The following FGF12 variants were observed in gnomAD, a reference collection of about 807,000 sequenced individuals.
FGF12 encodes the protein fibroblast growth factor 12B.
A neutral mutation model predicts 23.6 loss-of-function variants in FGF12; 14 were observed. The ratio of observed to expected loss-of-function variants is 0.59; its 90% CI spans 0.39 to 0.93. The LOEUF is 0.93. Ranked by LOEUF, FGF12 falls within the 40% of genes least tolerant of loss-of-function variation. The probability of loss-of-function intolerance (pLI) is 0.00; values close to 1 mark genes in which losing one functional copy is unlikely to be tolerated. For missense variants in FGF12, 175 were observed against 217.8 expected (o/e 0.80, Z 1.24); for synonymous variants, 62 against 77.3 (o/e 0.80, Z 1.04).
intron 4 of FGF12, among the ~76,000 whole-genome samples, chr3:192,285,583 T>C (rs9857152): frequency 0.37 from 56,073 of 151,882 alleles, 11,416 homozygotes; most frequent in East Asian, 0.9. Flanking sequence ...TTTCTTATTA[T>C]AACTTGAAAT....
At chr3:192,319,132 T>C (rs1294878966) in intron 4 of FGF12, among the ~76,000 whole-genome samples, 1 of 152,190 alleles carries the variant, frequency 6.6e-6, no homozygotes, top group Non-Finnish European at 1.5e-5. Flanking sequence ...AAGGGAGTTC[T>C]TCAATCTGAA....
In FGF12 at chr3:192,408,176, C is replaced by A; in HGVS notation, c.14-47638G>T. On this transcript the variant is annotated intron_variant, in intron 2 of 5. Coordinates refer to ENST00000445105, the MANE Select transcript of FGF12 (RefSeq NM_004113.6). This position sits in a 1 kb window ranked among gnomAD's most constrained non-coding sequence, Gnocchi z 7.3. Reference sequence around the variant, plus strand: ...ACACTCGGTCGCTGTTGGACTCCCTCGCCTGCCGCTTCTGCCGGATCAAGG... The same window carrying A: ...ACACTCGGTCGCTGTTGGACTCCCTAGCCTGCCGCTTCTGCCGGATCAAGG... The A allele has an allele frequency of 6.2e-7, 1 of 1,609,096 alleles. No homozygotes were observed. The highest frequency in any genetic ancestry group is 8.5e-7 in the Non-Finnish European group (1 of 1,179,656).
At chr3:192,305,736 T>C (rs1010764431) in intron 4 of FGF12, among the ~76,000 whole-genome samples, 2 of 148,348 alleles carry the variant, frequency 1.3e-5, no homozygotes, top group African/African-American at 2.5e-5. Flanking sequence ...TGAAAAGATC[T>C]AGAGTTAAGA....
At chr3:192,580,411 AT>A (rs573777069) in intron 2 of FGF12, among the ~76,000 whole-genome samples, 1 of 152,184 alleles carries the variant, frequency 6.6e-6, no homozygotes, top group Admixed American at 6.5e-5. Context: ...CAACTCAATA[AT>A]TTTTTTAGGA....
intron 2 of FGF12, among the ~76,000 whole-genome samples, chr3:192,414,871 A>G (rs1721297817): frequency 6.6e-6 from 1 of 152,034 alleles, no homozygotes; most frequent in African/African-American, 2.4e-5. Context: ...AGTATCCCCA[A>G]TTCTCTCCCC....
intron 4 of FGF12, among the ~76,000 whole-genome samples, chr3:192,187,586 G>A (rs1453652505): frequency 3.3e-5 from 5 of 152,118 alleles, no homozygotes; most frequent in African/African-American, 1.2e-4. Flanking sequence ...AACAGTTTTT[G>A]CAGTCAAAGA....
chr3:192,381,850 C>G (rs1490983412), intron 2 of FGF12, among the ~76,000 whole-genome samples: 2 of 152,072 alleles, frequency 1.3e-5, no homozygotes, highest in Non-Finnish European at 2.9e-5. Flanking sequence ...TGGACAGTGG[C>G]CCAAAGAGGA....
intron 2 of FGF12, among the ~76,000 whole-genome samples, chr3:192,475,550 A>G (rs534794113): frequency 6.6e-6 from 1 of 152,362 alleles, no homozygotes; most frequent in South Asian, 2.1e-4. Flanking sequence ...ATACAAGGAA[A>G]GCACAAATTC....
intron 2 of FGF12, among the ~76,000 whole-genome samples, chr3:192,382,267 T>G (rs371661528): frequency 4.6e-4 from 70 of 152,280 alleles, no homozygotes; most frequent in African/African-American, 1.5e-3. Flanking sequence ...GTACTGGGAT[T>G]ACAGGTGTGA....
intron 2 of FGF12, among the ~76,000 whole-genome samples, chr3:192,699,538 T>G (rs1718229782): frequency 6.6e-6 from 1 of 152,160 alleles, no homozygotes; most frequent in Non-Finnish European, 1.5e-5. Flanking sequence ...TTACAAATAT[T>G]GCATAATTTC....
intron 4 of FGF12, among the ~76,000 whole-genome samples, chr3:192,240,940 C>T (rs550229739): frequency 3.6e-4 from 55 of 152,002 alleles, no homozygotes; most frequent in Non-Finnish European, 6.8e-4. Context: ...AAGCCAATTA[C>T]GAGGAGGGAA....
chr3:192,253,925 G>T (rs1057507911), intron 4 of FGF12, among the ~76,000 whole-genome samples: 5 of 151,940 alleles, frequency 3.3e-5, no homozygotes, highest in African/African-American at 1.2e-4. Flanking sequence ...AATAAAAAAT[G>T]TATATATTTA....
chr3:192,323,936 A>G (rs1716679429), intron 4 of FGF12, among the ~76,000 whole-genome samples: 1 of 151,832 alleles, frequency 6.6e-6, no homozygotes, highest in Non-Finnish European at 1.5e-5. Flanking sequence ...ACTAAAATAC[A>G]AAAAAATTGG....
At chr3:192,198,069 T>C (rs1717170539) in intron 4 of FGF12, among the ~76,000 whole-genome samples, 1 of 151,904 alleles carries the variant, frequency 6.6e-6, no homozygotes, top group Non-Finnish European at 1.5e-5. Flanking sequence ...ACAAACTTCT[T>C]AACTTTATAG....
At chr3:192,666,917 T>TCATA (rs137939210) in intron 2 of FGF12, among the ~76,000 whole-genome samples, 1 of 147,520 alleles carries the variant, frequency 6.8e-6, no homozygotes, top group African/African-American at 2.6e-5. Context: ...GATAGATAGA[T>TCATA]GATAGATAGA....
chr3:192,440,111 A>G (rs1023616315), intron 2 of FGF12, among the ~76,000 whole-genome samples: 1 of 152,132 alleles, frequency 6.6e-6, no homozygotes, highest in Non-Finnish European at 1.5e-5. Flanking sequence ...TGGGAACAGC[A>G]TGTAGGAAGA....
At chr3:192,539,579 T>C (rs747823711) in intron 2 of FGF12, among the ~76,000 whole-genome samples, 2 of 152,206 alleles carry the variant, frequency 1.3e-5, no homozygotes, top group Admixed American at 1.3e-4. Context: ...TGCATCAATG[T>C]TCAACAGGGA....
chr3:192,447,982 G>A (rs915628155), intron 2 of FGF12, among the ~76,000 whole-genome samples: 1 of 152,074 alleles, frequency 6.6e-6, no homozygotes, highest in African/African-American at 2.4e-5. Flanking sequence ...AGCCCTTTTT[G>A]CCTGACTTCT....
intron 2 of FGF12, among the ~76,000 whole-genome samples, chr3:192,698,597 CATT>C (rs1718199504): frequency 7.4e-5 from 1 of 13,510 alleles, no homozygotes; most frequent in African/African-American, 2.9e-3. Context: ...ACATAGACTT[CATT>C]CAATTCCATT....
Sources: gnomAD v4.1 joint callset for allele counts (sites outside exome capture counted in the v4.1 genomes callset) on GRCh38, gnomAD v4.1.1 for gene constraint, Gnocchi (gnomAD v3.1) non-coding constraint, MANE v1.5 for transcripts, NCBI Gene and HGNC (gene_info 2026-07-23, HGNC 2026-07-21) for gene names.